Variants in RAP1GAP2 observed in about 807,000 individuals in gnomAD.
RAP1GAP2 encodes the protein RAP1 GTPase activating protein 2.
A neutral mutation model predicts 95.0 loss-of-function variants in RAP1GAP2; 27 were observed. The observed-to-expected ratio is 0.28, with a 90% CI of 0.21 to 0.39. The LOEUF is 0.39. Ranked by LOEUF, RAP1GAP2 falls within the 10% of genes least tolerant of loss-of-function variation. The pLI is 1.00. For missense variants in RAP1GAP2, 771 were observed against 970.0 expected, an observed-to-expected ratio of 0.79 and a Z score of 2.72; for synonymous variants, 373 against 380.9, an observed-to-expected ratio of 0.98 and a Z score of 0.24.
At chr17:2,940,032 C>T (rs1274509026) in intron 3 of RAP1GAP2, among the ~76,000 whole-genome samples, 3 of 152,238 alleles carry the variant, frequency 2.0e-5, no homozygotes, top group Non-Finnish European at 2.9e-5. Context: ...CCCCGACTCT[C>T]GGGACCCAGG....
chr17:2,865,726 A>G (rs918662320), intron 2 of RAP1GAP2, among the ~76,000 whole-genome samples: 13 of 152,170 alleles, frequency 8.5e-5, no homozygotes, highest in African/African-American at 3.1e-4. Context: ...CCCCAAGGGT[A>G]TGGCCACATG....
chr17:2,798,875 T>G (rs573248232), intron 1 of RAP1GAP2, among the ~76,000 whole-genome samples: 1 of 152,218 alleles, frequency 6.6e-6, no homozygotes, highest in East Asian at 1.9e-4. Flanking sequence ...GGTGGTGCGG[T>G]GGGCGGGGCT....
intron 2 of RAP1GAP2, among the ~76,000 whole-genome samples, chr17:2,830,013 G>A (rs985829914): frequency 6.6e-6 from 1 of 151,920 alleles, no homozygotes; most frequent in Non-Finnish European, 1.5e-5. Context: ...TTATTTTGTT[G>A]TGGTGAGAAC....
chr17:2,784,059 A>G (rs146543246), intron 1 of RAP1GAP2, among the ~76,000 whole-genome samples: 23 of 151,936 alleles, frequency 1.5e-4, no homozygotes, highest in Middle Eastern at 3.4e-3. Flanking sequence ...TGCAACCTCT[A>G]CCTCCCGGGT....
chr17:2,768,898 C>T (rs886074958), intron 1 of RAP1GAP2, among the ~76,000 whole-genome samples: 1 of 150,738 alleles, frequency 6.6e-6, no homozygotes, highest in Non-Finnish European at 1.5e-5. Flanking sequence ...ACTCCTGACC[C>T]CTGCTCCAGA....
chr17:2,784,225 G>T (rs913247815), intron 1 of RAP1GAP2, among the ~76,000 whole-genome samples: 2 of 151,530 alleles, frequency 1.3e-5, no homozygotes, highest in African/African-American at 4.9e-5. Context: ...TGTCCTCCTC[G>T]GCCTCCCAAA....
rs147368136 is a variant in RAP1GAP2, at chr17:2,785,696, G to C, written c.-14+8418G>C. 3.3e-3 allele frequency among the ~76,000 whole-genome samples: 504 copies of C among 152,124 alleles called. 3 individuals are homozygous for C. The highest frequency in any genetic ancestry group is 0.011 in the African/African-American group (477 of 41,498). The stretch of plus-strand genomic sequence containing the variant: ...CAAGAATTTCTTTTTCGGGAAGCTC[G>C]GTTCTTAAGACGCGAGTCTGCCGAT... On this transcript the variant is annotated intron_variant, in intron 1 of 24. Transcript: ENST00000540393.
intron 2 of RAP1GAP2, among the ~76,000 whole-genome samples, chr17:2,832,723 T>C (rs1355497646): frequency 6.6e-6 from 1 of 151,826 alleles, no homozygotes; most frequent in African/African-American, 2.4e-5. Context: ...ACTCCTGTAA[T>C]CCCAGCACTT....
chr17:2,790,229 C>G (rs1178022176), intron 1 of RAP1GAP2, among the ~76,000 whole-genome samples: 1 of 152,110 alleles, frequency 6.6e-6, no homozygotes, highest in Non-Finnish European at 1.5e-5. Context: ...TCTCCCGCCT[C>G]AGCCTCCCGA....
At chr17:2,852,787 G>A (rs1004441344) in intron 2 of RAP1GAP2, among the ~76,000 whole-genome samples, 2 of 152,154 alleles carry the variant, frequency 1.3e-5, no homozygotes, top group Admixed American at 6.5e-5. Flanking sequence ...AGGCTGGGCA[G>A]CACCTGGAAG....
At chr17:2,893,096 T>C (rs4790380) in intron 2 of RAP1GAP2, among the ~76,000 whole-genome samples, 136,905 of 151,888 alleles carry the variant, frequency 0.9, 61,899 homozygotes, top group African/African-American at 0.94. Context: ...AGCGTGATCT[T>C]GGCTCACTGC....
chr17:2,934,194 C>T (rs1023579318), intron 3 of RAP1GAP2, among the ~76,000 whole-genome samples: 6 of 152,200 alleles, frequency 3.9e-5, no homozygotes, highest in Non-Finnish European at 5.9e-5. Context: ...TGCAATGGCA[C>T]GATCTCGGCT....
chr17:2,909,859 G>T (rs948935100), intron 3 of RAP1GAP2, among the ~76,000 whole-genome samples: 5 of 152,202 alleles, frequency 3.3e-5, no homozygotes, highest in Admixed American at 3.3e-4. Flanking sequence ...TCCTTCTGTG[G>T]TTGGGGTTGG....
At chr17:2,885,208 A>G (rs142912737) in intron 2 of RAP1GAP2, among the ~76,000 whole-genome samples, 2 of 151,532 alleles carry the variant, frequency 1.3e-5, no homozygotes, top group Non-Finnish European at 2.9e-5. Flanking sequence ...AATTTTTTGT[A>G]TTTCTGGTAG....
In RAP1GAP2 at chr17:2,843,604, G is replaced by C. The variant is rs140068146; in HGVS notation, c.80+43054G>C. ...GCCCGGCCCAATTTCCCCATTTGGT[G>C]GTTCAGTTACATTGCATCATTAATA... is the stretch of plus-strand genomic sequence containing the variant. On this transcript the variant is annotated intron_variant, in intron 2 of 24. Transcript: ENST00000254695. Among the ~76,000 whole-genome samples, 62 of 152,060 alleles carry C rather than the reference G, an allele frequency of 4.1e-4. No homozygotes were observed. In the East Asian group the frequency reaches 0.01, roughly 25 times the overall value.
intron 17 of RAP1GAP2, among the ~76,000 whole-genome samples, chr17:3,015,480 C>T (rs2046727093): frequency 6.6e-6 from 1 of 152,146 alleles, no homozygotes; most frequent in South Asian, 2.1e-4. Context: ...AGCAGCAGCC[C>T]TGCCATTTTC....
rs1004228697 is a variant in RAP1GAP2, at chr17:2,855,295, C to T, written c.81-49989C>T. The stretch of plus-strand genomic sequence containing the variant: ...TGAGTCACCTAGTGAGAAAGTTCTT[C>T]CCTTTTCAGTTCTCTGCGAATCCTT... On this transcript the variant is annotated intron_variant, in intron 2 of 24. Coordinates refer to ENST00000254695, the MANE Select transcript of RAP1GAP2 (RefSeq NM_015085.5). This position sits in a 1 kb window ranked among gnomAD's most constrained non-coding sequence, Gnocchi z 4.3. Among the ~76,000 whole-genome samples, 32 of 152,320 alleles carry T rather than the reference C, an allele frequency of 2.1e-4. No homozygotes were observed. Among genetic ancestry groups the T allele is most frequent in the African/African-American group, 7.2e-4 (30 of 41,570 alleles).
At chr17:2,905,194 T>C in intron 2 of RAP1GAP2, 90 bp from the exon 3 acceptor site, 1 of 1,266,906 alleles carries the variant, frequency 7.9e-7, no homozygotes, top group Non-Finnish European at 1.1e-6. Context: ...GCATTGTATG[T>C]TAAACTGTGT....
At position 2,873,616 on chromosome 17, in the gene RAP1GAP2, G is replaced by A. The variant is rs559976109; in HGVS notation, c.81-31668G>A. On this transcript the variant is annotated intron_variant, in intron 2 of 24. Transcript: ENST00000254695. The stretch of plus-strand genomic sequence containing the variant: ...AAATAGGCCTTCTAATAATTTTGGC[G>A]TTTGAGCCCTGCTAATGTATTCCTC... Among the ~76,000 whole-genome samples, 4 of 151,504 alleles carry A rather than the reference G, an allele frequency of 2.6e-5. No individual in the cohort carries two copies. The South Asian group carries it at 6.3e-4, about 24-fold the overall frequency.
Sources: gnomAD v4.1 joint callset for allele counts (sites outside exome capture counted in the v4.1 genomes callset) on GRCh38, gnomAD v4.1.1 for gene constraint, Gnocchi (gnomAD v3.1) non-coding constraint, MANE v1.5 for transcripts, NCBI Gene and HGNC (gene_info 2026-07-23, HGNC 2026-07-21) for gene names.